Variants in COL11A2 observed in about 807,000 individuals in gnomAD.
COL11A2 encodes the protein collagen type XI alpha 2 chain.
In COL11A2, 116 loss-of-function variants were observed where a neutral mutation model predicts 273.4. The observed-to-expected ratio is 0.42, with a 90% CI of 0.36 to 0.49. The LOEUF is 0.49. COL11A2 is among the 20% of genes least tolerant of loss of function. The pLI, the probability that COL11A2 is intolerant of heterozygous loss-of-function variation, is 0.00. For synonymous variants in COL11A2, 782 were observed against 864.2 expected, an observed-to-expected ratio of 0.90 and a Z score of 1.67; for missense variants, 1,866 against 2,309.0, an observed-to-expected ratio of 0.81 and a Z score of 3.93.
At position 33,165,825 on chromosome 6, in the gene COL11A2, A is replaced by G. The variant is rs751549851; in HGVS notation, c.4483-9T>C. The G allele has an allele frequency of 1.2e-6, 2 of 1,613,484 alleles. No individual in the cohort carries two copies. Among genetic ancestry groups the G allele is most frequent in the African/African-American group, 1.3e-5 (1 of 74,970 alleles). ...ACCTCGCCTGGGGGACCCTGGGTGC[A>G]GGGACAGATGGAGAGGGCAAGAGAC... is the stretch of plus-strand genomic sequence containing the variant. On this transcript the variant is annotated splice_polypyrimidine_tract_variant and intron_variant, in intron 62 of 65. Coordinates refer to ENST00000341947, the MANE Select transcript of COL11A2 (RefSeq NM_080680.3). The surrounding 1 kb of genome is among the most constrained non-coding windows in gnomAD (Gnocchi z 7.7).
At chr6:33,183,346 C>T (rs1217930953) in intron 8 of COL11A2, among the ~76,000 whole-genome samples, 1 of 152,124 alleles carries the variant, frequency 6.6e-6, no homozygotes, top group Non-Finnish European at 1.5e-5. Context: ...CCTTCAACAA[C>T]AACATGGCTA....
chr6:33,193,117 G>A (rs1281738755), upstream of COL11A2, among the ~76,000 whole-genome samples: 1 of 152,174 alleles, frequency 6.6e-6, no homozygotes, highest in African/African-American at 2.4e-5. Context: ...GCAGTGGTAA[G>A]ATGAGCGAGC....
At chr6:33,180,591 C>T (rs1771591874) in intron 11 of COL11A2, 77 bp downstream of exon 11, 2 of 1,364,360 alleles carry the variant, frequency 1.5e-6, no homozygotes, top group Non-Finnish European at 2.0e-6. Context: ...CAGGAAATTA[C>T]TGGGCATGGT....
chr6:33,174,417 C>T, intron 31 of COL11A2, 110 bp downstream of exon 31: 1 of 1,455,058 alleles, frequency 6.9e-7, no homozygotes, highest in Non-Finnish European at 9.5e-7. Flanking sequence ...CAGCTAAATT[C>T]CCTCTGGGGT....
rs1770984864 is a variant in COL11A2 at position 33,176,938 on chromosome 6, G to A, written c.2070+54C>T. ...GTCACTAAAGGAGCTCTGAGGTCAT[G>A]CACTGGGGTGGAAGGCCAAGGGGAA... On this transcript the variant is annotated intron_variant, in intron 25 of 65. Coordinates refer to ENST00000341947, the MANE Select transcript of COL11A2 (RefSeq NM_080680.3). This position sits in a 1 kb window ranked among gnomAD's most constrained non-coding sequence, Gnocchi z 4.9. The A allele has an allele frequency of 7.6e-6, 12 of 1,582,822 alleles. No homozygotes were observed. Among genetic ancestry groups the A allele is most frequent in the Admixed American group, 1.8e-5 (1 of 56,398 alleles).
At position 33,163,567 on chromosome 6, in the gene COL11A2, C is replaced by T; in HGVS notation, c.*111G>A. Reference sequence around the variant, plus strand: ...CGACTGAGGGCTCTCCACGCCCTGGCCCAGGGCTCCCTAGATAGTGAGGAG... The same window carrying T: ...CGACTGAGGGCTCTCCACGCCCTGGTCCAGGGCTCCCTAGATAGTGAGGAG... On this transcript the variant is annotated 3_prime_UTR_variant, in exon 66 of 66. Transcript: ENST00000341947. This position sits in a 1 kb window ranked among gnomAD's most constrained non-coding sequence, Gnocchi z 4.1. 6.4e-7 allele frequency: 1 copy of T among 1,558,372 alleles called. No homozygotes were observed. The highest frequency in any genetic ancestry group is 8.8e-7 in the Non-Finnish European group (1 of 1,131,782).
Position 33,189,063 on chromosome 6 carries a change from C to T in COL11A2, c.358G>A (p.Val120Ile), listed in dbSNP as rs752468281. 3.1e-6 allele frequency: 5 copies of T among 1,614,090 alleles called. No homozygotes were observed. In the African/African-American group the frequency reaches 6.7e-5, roughly 22 times the overall value. The change falls in exon 3 of 66, where the codon GTC becomes ATC. Residue 120 changes from valine to isoleucine, a missense_variant. By Grantham distance (29) the Val-to-Ile change is conservative. Transcript: ENST00000341947. This position sits in a 1 kb window ranked among gnomAD's most constrained non-coding sequence, Gnocchi z 5.6. ...GTCTGGTCTTCATACAGGAAGCGGA[C>T]AGGTCGGCCCAGCTCCAGGCCCAGC... ...RQLGLELGRP[V>I]RFLYEDQTGR...
chr6:33,169,116 ACC>A lies in COL11A2; in HGVS notation c.3799-110_3799-109del. The stretch of plus-strand genomic sequence containing the variant: ...CTCTCTAGAGGCAGTGCCCACCAGT[ACC>A]CCCCAGGAAGAGGTCTCCTGCACCC... On this transcript the variant is annotated intron_variant, in intron 51 of 65. Coordinates refer to ENST00000341947, the MANE Select transcript of COL11A2 (RefSeq NM_080680.3). This position sits in a 1 kb window ranked among gnomAD's most constrained non-coding sequence, Gnocchi z 5.5. 1 of 1,096,824 alleles carries A rather than the reference ACC, an allele frequency of 9.1e-7. No individual in the cohort carries two copies. Among genetic ancestry groups the A allele is most frequent in the Non-Finnish European group, 1.3e-6 (1 of 758,068 alleles). The allele number at this position is 1,096,824 out of a possible 1,614,324, so 67.9% of individuals were successfully genotyped here. A position where few individuals can be genotyped will look rare whatever the true frequency, so the allele number is the denominator to read the frequency against.
chr6:33,162,700 G>A lies in COL11A2; in HGVS notation c.*978C>T, dbSNP rs1029710403. On this transcript the variant is annotated 3_prime_UTR_variant, in exon 66 of 66. Coordinates refer to ENST00000341947, the MANE Select transcript of COL11A2 (RefSeq NM_080680.3). This position sits in a 1 kb window ranked among gnomAD's most constrained non-coding sequence, Gnocchi z 4.9. Reference sequence around the variant, plus strand: ...AAGCAGTGACACAGACACCTGGGAGGAGACAATCACATTATTTAACCATCA... The same window carrying A: ...AAGCAGTGACACAGACACCTGGGAGAAGACAATCACATTATTTAACCATCA... 8 of 152,810 alleles carry A rather than the reference G, an allele frequency of 5.2e-5. No individual in the cohort carries two copies. Among genetic ancestry groups the A allele is most frequent in the African/African-American group, 1.9e-4 (8 of 41,424 alleles). The allele number at this position is 152,810 out of a possible 1,614,324, so 9.5% of individuals were successfully genotyped here. A position where few individuals can be genotyped will look rare whatever the true frequency, so the allele number is the denominator to read the frequency against.
Position 33,185,786 on chromosome 6 carries a change from TG to T in COL11A2, c.799-9del, listed in dbSNP as rs1235462607. The T allele has an allele frequency of 2.9e-5, 27 of 941,900 alleles. No homozygotes were observed. The highest frequency in any genetic ancestry group is 3.1e-5 in the Non-Finnish European group (22 of 715,562). The allele number at this position is 941,900 out of a possible 1,614,324, so 58.3% of individuals were successfully genotyped here. A position where few individuals can be genotyped will look rare whatever the true frequency, so the allele number is the denominator to read the frequency against. On this transcript the variant is annotated splice_polypyrimidine_tract_variant and intron_variant, in intron 5 of 65. Transcript: ENST00000341947. Reference sequence around the variant, plus strand: ...GTAGAGAGACTCAGTGGGCTGGGATTGGGGGGTGGGCATAGACAGGAAGGGG... The same window carrying T: ...GTAGAGAGACTCAGTGGGCTGGGATTGGGGGTGGGCATAGACAGGAAGGGG...
upstream of COL11A2, among the ~76,000 whole-genome samples, chr6:33,193,428 C>T (rs1439372020): frequency 2.5e-4 from 36 of 145,552 alleles, no homozygotes; most frequent in East Asian, 2.1e-4. Context: ...CCTCTCCCCC[C>T]CTCCCCGACA....
At position 33,172,061 on chromosome 6, in the gene COL11A2, G is replaced by A. The variant is rs997533180; in HGVS notation, c.3031C>T (p.Pro1011Ser). The A allele has an allele frequency of 1.6e-5, 26 of 1,612,936 alleles. No individual in the cohort carries two copies. The highest frequency in any genetic ancestry group is 6.7e-5 in the Admixed American group (4 of 60,006). ...AACCCCAGACTCACTGCAGGGCCAG[G>A]GGGGCCAGACGGACCTTCATTCCCC... Reference protein sequence around the residue: ...LKGNEGPSGPPGPAGSPGERG... With the variant: ...LKGNEGPSGPSGPAGSPGERG... Residue 1011 changes from proline (P) to serine (S), a missense_variant, in exon 41 of 66, where the codon CCT becomes TCT. Pro to Ser is a moderately conservative substitution (Grantham distance 74). Transcript: ENST00000341947.
Position 33,179,411 on chromosome 6 carries a change from C to A in COL11A2, c.1503+20G>T. The A allele has an allele frequency of 6.4e-7, 1 of 1,568,092 alleles. No individual in the cohort carries two copies. On this transcript the variant is annotated intron_variant, in intron 14 of 65. Coordinates refer to ENST00000341947, the MANE Select transcript of COL11A2 (RefSeq NM_080680.3). This position sits in a 1 kb window ranked among gnomAD's most constrained non-coding sequence, Gnocchi z 6.4. ...ACACACAATTAAAGCATCCTCCACCCGAGCACCCTGCTCACTCACCAAGGG... is the reference window on the plus strand; with the variant it reads ...ACACACAATTAAAGCATCCTCCACCAGAGCACCCTGCTCACTCACCAAGGG...
Position 33,169,901 on chromosome 6 carries a change from G to C in COL11A2, c.3637-17C>G. 6.2e-7 allele frequency: 1 copy of C among 1,614,094 alleles called. No individual in the cohort carries two copies. Among genetic ancestry groups the C allele is most frequent in the Non-Finnish European group, 8.5e-7 (1 of 1,180,012 alleles). On this transcript the variant is annotated splice_polypyrimidine_tract_variant and intron_variant, in intron 49 of 65. Transcript: ENST00000341947. The surrounding 1 kb of genome is among the most constrained non-coding windows in gnomAD (Gnocchi z 5.5). The stretch of plus-strand genomic sequence containing the variant: ...TGGTTCCCCCTGCAAAGAGATTAGA[G>C]TCAAAAACCTCCTCTCCTTCCCCAG...
rs1769773817 is a variant in COL11A2 at position 33,169,850 on chromosome 6, T to A, written c.3671A>T (p.Gln1224Leu). 2.5e-6 allele frequency: 4 copies of A among 1,614,022 alleles called. No individual in the cohort carries two copies. In the South Asian group the frequency reaches 4.4e-5, roughly 18 times the overall value. The change falls in exon 50 of 66, where the codon CAG (glutamine) becomes CTG (leucine). Residue 1224 changes from glutamine to leucine, a missense_variant. Transcript: ENST00000341947. The surrounding 1 kb of genome is among the most constrained non-coding windows in gnomAD (Gnocchi z 5.5). The stretch of plus-strand genomic sequence containing the variant: ...ACTCACCTTGACACCTGGCTCGCCC[T>A]GGATCCCTGGAGATCCTGACTCTCC... ...EPGESGSPGI[Q>L]GEPGVKGPRG...
At position 33,167,812 on chromosome 6, in the gene COL11A2, C is replaced by A; in HGVS notation, c.4001G>T (p.Gly1334Val). 1 of 1,612,868 alleles carries A rather than the reference C, an allele frequency of 6.2e-7. No homozygotes were observed. The highest frequency in any genetic ancestry group is 8.5e-7 in the Non-Finnish European group (1 of 1,179,934). The change falls in exon 55 of 66, where the codon GGG (glycine) becomes GTG (valine). Residue 1334 changes from glycine (G) to valine (V), a missense_variant. Gly to Val is a moderately radical substitution (Grantham distance 109, BLOSUM62 -3). Transcript: ENST00000341947. The surrounding 1 kb of genome is among the most constrained non-coding windows in gnomAD (Gnocchi z 6.1). ...GSPGSEGRQG[G>V]KGAKGDPGAI... ...CCTGTCCCTCACCTTGGCTCCCTTC[C>A]CTCCTTGTCGCCCCTCGGAACCAGG...
Position 33,165,593 on chromosome 6 carries a change from C to T in COL11A2, c.4706G>A (p.Arg1569His), listed in dbSNP as rs749716412. 2.5e-5 allele frequency: 40 copies of T among 1,613,340 alleles called. No individual in the cohort carries two copies. The highest frequency in any genetic ancestry group is 5.3e-5 in the African/African-American group (4 of 74,888). Reference protein sequence around the residue: ...RPTGTQDSPARTCQDLKLCHP... With the variant: ...RPTGTQDSPAHTCQDLKLCHP... Reference sequence around the variant, plus strand: ...GCACAGCTTCAGGTCCTGGCAGGTGCGAGCAGGGCTGTCCTGGGTCCCTGT... The same window carrying T: ...GCACAGCTTCAGGTCCTGGCAGGTGTGAGCAGGGCTGTCCTGGGTCCCTGT... Residue 1569 changes from arginine to histidine, a missense_variant, in exon 63 of 66, where the codon CGC (arginine) becomes CAC (histidine). Transcript: ENST00000341947. This position sits in a 1 kb window ranked among gnomAD's most constrained non-coding sequence, Gnocchi z 7.7.
rs775921666 is a variant in COL11A2 at position 33,179,482 on chromosome 6, C to T, written c.1452G>A (p.Ala484=). The change falls in exon 14 of 66, where the codon GCG becomes GCA. Residue 484 remains alanine (A), a synonymous_variant. Coordinates refer to ENST00000341947, the MANE Select transcript of COL11A2 (RefSeq NM_080680.3). The surrounding 1 kb of genome is among the most constrained non-coding windows in gnomAD (Gnocchi z 6.4). The stretch of plus-strand genomic sequence containing the variant: ...CCATGGGGCCAGGGGGTCCACGGAG[C>T]GCCAGCTAGGGGAGCAGGGGGACAG... ...AQAILQQARL[A]LRGPPGPMGY... The T allele has an allele frequency of 3.0e-5, 47 of 1,562,236 alleles. No individual in the cohort carries two copies. Among genetic ancestry groups the T allele is most frequent in the East Asian group, 2.4e-4 (10 of 42,222 alleles).
upstream of COL11A2, chr6:33,192,476 C>T (rs1035727073): frequency 1.7e-6 from 1 of 573,798 alleles, no homozygotes; most frequent in African/African-American, 1.9e-5. Flanking sequence ...GTGTCCCCGG[C>T]CACCCTGGCG....
Sources: allele counts gnomAD v4.1 joint callset (sites outside exome capture counted in the v4.1 genomes callset), GRCh38; gene constraint gnomAD v4.1.1; non-coding constraint Gnocchi (gnomAD v3.1); transcripts MANE v1.5; gene names NCBI Gene and HGNC (gene_info 2026-07-23, HGNC 2026-07-21).